The following ANKRD22 variants were observed in gnomAD, a reference collection of about 807,000 sequenced individuals.
ANKRD22 encodes the protein ankyrin repeat domain-containing protein 22.
Under a neutral mutation model 25.7 loss-of-function variants are expected in ANKRD22, and 24 were observed. That is an observed-to-expected ratio of 0.93 (90% CI 0.68 to 1.31). The LOEUF is 1.31. ANKRD22 is among the 50% of genes most tolerant of loss of function. The pLI is 0.00. For missense variants in ANKRD22, 214 were observed against 227.1 expected, an observed-to-expected ratio of 0.94 and a Z score of 0.37; for synonymous variants, 84 against 84.3, an observed-to-expected ratio of 1.00 and a Z score of 0.02.
At chr10:88,823,696 C>T (rs1250262727) in intron 4 of ANKRD22, among the ~76,000 whole-genome samples, 1 of 151,828 alleles carries the variant, frequency 6.6e-6, no homozygotes, top group African/African-American at 2.4e-5. Flanking sequence ...GGCGCGGTGG[C>T]GGGTGCCTGT....
rs1352834787 is a variant in ANKRD22 at position 88,820,369 on chromosome 10, T to C, written c.*2572A>G. 1 of 1,552,318 alleles carries C rather than the reference T, an allele frequency of 6.4e-7. No individual in the cohort carries two copies. The highest frequency in any genetic ancestry group is 8.7e-7 in the Non-Finnish European group (1 of 1,147,140). On this transcript the variant is annotated 3_prime_UTR_variant, in exon 6 of 6. Coordinates refer to ENST00000371930, the MANE Select transcript of ANKRD22 (RefSeq NM_144590.3). ...TGACCAACCTCATCTACCATAAGAA[T>C]ATTCCTGAATGGGCTCACGTGGATT...
In ANKRD22 at chr10:88,821,854, C is replaced by T. The variant is rs1843799154; in HGVS notation, c.*1087G>A. Among the ~76,000 whole-genome samples, 1 of 152,200 alleles carries T rather than the reference C, an allele frequency of 6.6e-6. No individual in the cohort carries two copies. On this transcript the variant is annotated 3_prime_UTR_variant, in exon 6 of 6. Transcript: ENST00000371930. ...TTTTTAAAGTGAATTTATTTCTACT[C>T]TGTGTCATTCACAGAAGAAGTGAGA...
chr10:88,820,418 C>A lies in ANKRD22; in HGVS notation c.*2523G>T, dbSNP rs1232237435. On this transcript the variant is annotated 3_prime_UTR_variant, in exon 6 of 6. Coordinates refer to ENST00000371930, the MANE Select transcript of ANKRD22 (RefSeq NM_144590.3). The stretch of plus-strand genomic sequence containing the variant: ...TTTCATCTGGGGTTTGGATGCTCCT[C>A]ACCGTATGTACAATGAAATCATCCA... 1 of 1,552,118 alleles carries A rather than the reference C, an allele frequency of 6.4e-7. No homozygotes were observed. Among genetic ancestry groups the A allele is most frequent in the South Asian group, 1.2e-5 (1 of 84,056 alleles).
intron 1 of ANKRD22, among the ~76,000 whole-genome samples, chr10:88,843,592 A>T (rs1844022613): frequency 1.3e-5 from 2 of 152,160 alleles, no homozygotes; most frequent in Admixed American, 1.3e-4. Flanking sequence ...TTCCAGGATT[A>T]GTTGTATTAT....
chr10:88,828,763 T>C, intron 2 of ANKRD22, 97 bp from the exon 3 acceptor site: 1 of 871,154 alleles, frequency 1.1e-6, no homozygotes, highest in Admixed American at 2.6e-5. Context: ...GCTTTTTGTT[T>C]TTCCGGTACC....
Position 88,820,534 on chromosome 10 carries a change from C to A in ANKRD22, c.*2407G>T. On this transcript the variant is annotated 3_prime_UTR_variant, in exon 6 of 6. Transcript: ENST00000371930. The stretch of plus-strand genomic sequence containing the variant: ...GACACTGACGATCTTAGGACAACCT[C>A]CTGAGGGATGGGGCTAGGACCCATG... 1 of 1,536,900 alleles carries A rather than the reference C, an allele frequency of 6.5e-7. No homozygotes were observed. Among genetic ancestry groups the A allele is most frequent in the Non-Finnish European group, 8.8e-7 (1 of 1,141,386 alleles).
intron 2 of ANKRD22, among the ~76,000 whole-genome samples, chr10:88,830,863 C>A (rs74960617): frequency 6.6e-6 from 1 of 152,224 alleles, no homozygotes; most frequent in Admixed American, 6.5e-5. Flanking sequence ...TATCTGGTTT[C>A]ACAGCAGTGA....
At chr10:88,842,270 A>G (rs1425732294) in intron 1 of ANKRD22, among the ~76,000 whole-genome samples, 1 of 152,128 alleles carries the variant, frequency 6.6e-6, no homozygotes, top group African/African-American at 2.4e-5. Flanking sequence ...CCCTTACAGC[A>G]ATCTTAGAAC....
rs368613375 is a variant in ANKRD22, at chr10:88,826,617, CA to C, written c.322-503del. Reference sequence around the variant, plus strand: ...CTTTCATTCTCAGAGAATCATTGCACAGGAAGTTCCTTCTGCCTAGAAGCCT... The same window carrying C: ...CTTTCATTCTCAGAGAATCATTGCACGGAAGTTCCTTCTGCCTAGAAGCCT... On this transcript the variant is annotated intron_variant, in intron 3 of 5. Transcript: ENST00000371930. Among the ~76,000 whole-genome samples, 271 of 152,328 alleles carry C rather than the reference CA, an allele frequency of 1.8e-3. 2 individuals carry two copies. The highest frequency in any genetic ancestry group is 6.0e-3 in the African/African-American group (249 of 41,560).
chr10:88,842,227 T>A (rs889389926), intron 1 of ANKRD22, among the ~76,000 whole-genome samples: 1 of 152,180 alleles, frequency 6.6e-6, no homozygotes, highest in African/African-American at 2.4e-5. Flanking sequence ...ATACCATCTG[T>A]AATGCTAAGC....
chr10:88,838,948 G>A (rs1843980258), intron 1 of ANKRD22, among the ~76,000 whole-genome samples: 1 of 152,174 alleles, frequency 6.6e-6, no homozygotes, highest in African/African-American at 2.4e-5. Context: ...GAGTTCCCAT[G>A]GGCTAACCTG....
Position 88,820,450 on chromosome 10 carries a change from G to A in ANKRD22, c.*2491C>T, listed in dbSNP as rs982313974. The stretch of plus-strand genomic sequence containing the variant: ...TGTACAATGAAATCATCCATCTGAT[G>A]CAGCAGGAGGAGACCAACCTTTCCC... On this transcript the variant is annotated 3_prime_UTR_variant, in exon 6 of 6. Transcript: ENST00000371930. The A allele has an allele frequency of 8.4e-6, 13 of 1,551,926 alleles. No homozygotes were observed. Among genetic ancestry groups the A allele is most frequent in the Non-Finnish European group, 1.1e-5 (13 of 1,147,046 alleles).
chr10:88,831,735 C>A, intron 2 of ANKRD22, 100 bp downstream of exon 2: 1 of 1,224,342 alleles, frequency 8.2e-7, no homozygotes, highest in African/African-American at 1.5e-5. Flanking sequence ...GTATTAGGAG[C>A]TGCAAGCAAT....
At chr10:88,850,647 C>T (rs778163404) in intron 1 of ANKRD22, among the ~76,000 whole-genome samples, 1 of 152,156 alleles carries the variant, frequency 6.6e-6, no homozygotes, top group Non-Finnish European at 1.5e-5. Context: ...ACCAGAGTAG[C>T]ATTTAAAAGC....
intron 1 of ANKRD22, among the ~76,000 whole-genome samples, chr10:88,836,824 A>G (rs1458984991): frequency 2.0e-5 from 3 of 152,214 alleles, no homozygotes; most frequent in Non-Finnish European, 4.4e-5. Flanking sequence ...CAGAAGAAAC[A>G]GAAAAACGTT....
In ANKRD22 at chr10:88,826,021, T is replaced by C. The variant is rs1198406147; in HGVS notation, c.399+17A>G. ...ATTTTGAATATTTTTTCAAAATGGC[T>C]AAAAGTATAAACTTACACAATCTGT... On this transcript the variant is annotated intron_variant, in intron 4 of 5. Coordinates refer to ENST00000371930, the MANE Select transcript of ANKRD22 (RefSeq NM_144590.3). The C allele has an allele frequency of 2.5e-6, 4 of 1,595,130 alleles. No individual in the cohort carries two copies. In the East Asian group the frequency reaches 6.7e-5, roughly 27 times the overall value.
At chr10:88,839,301 T>C (rs1843983073) in intron 1 of ANKRD22, among the ~76,000 whole-genome samples, 1 of 152,120 alleles carries the variant, frequency 6.6e-6, no homozygotes, top group Admixed American at 6.6e-5. Context: ...TAATTGGTAT[T>C]GAAATGGGGT....
chr10:88,837,024 G>A (rs917415690), intron 1 of ANKRD22, among the ~76,000 whole-genome samples: 2 of 152,176 alleles, frequency 1.3e-5, no homozygotes, highest in African/African-American at 4.8e-5. Context: ...CAGTTTGGCA[G>A]TGAAAAAGCT....
chr10:88,830,809 A>C (rs192724156), intron 2 of ANKRD22, among the ~76,000 whole-genome samples: 1 of 152,340 alleles, frequency 6.6e-6, no homozygotes, highest in Admixed American at 6.5e-5. Context: ...GCAGGAACCC[A>C]CAGACATCTG....
Sources: gnomAD v4.1 joint callset for allele counts (sites outside exome capture counted in the v4.1 genomes callset) on GRCh38, gnomAD v4.1.1 for gene constraint, MANE v1.5 for transcripts, NCBI Gene and HGNC (gene_info 2026-07-23, HGNC 2026-07-21) for gene names.